The following PLPPR5 variants were observed in gnomAD, a reference collection of about 807,000 sequenced individuals.
The protein encoded by PLPPR5 is phospholipid phosphatase related 5.
In PLPPR5, 16 loss-of-function variants were observed where a neutral mutation model predicts 33.9. That is an observed-to-expected ratio of 0.47 (90% CI 0.32 to 0.72). The LOEUF (loss-of-function observed/expected upper bound fraction) is 0.72. PLPPR5 is among the 30% of genes least tolerant of loss of function. The pLI, the probability that PLPPR5 is intolerant of heterozygous loss-of-function variation, is 0.03. For missense variants in PLPPR5, 301 were observed against 406.7 expected (o/e 0.74, Z 2.23); for synonymous variants, 163 against 150.3 (o/e 1.08, Z -0.62).
At chr1:98,952,385 G>A (rs1263150426) in intron 3 of PLPPR5, among the ~76,000 whole-genome samples, 1 of 152,138 alleles carries the variant, frequency 6.6e-6, no homozygotes, top group South Asian at 2.1e-4. Context: ...GGGAGAGGCT[G>A]ATGGTACCAT....
In PLPPR5 at chr1:98,921,963, G is replaced by T; in HGVS notation, c.717C>A (p.Leu239=). 1 of 1,613,948 alleles carries T rather than the reference G, an allele frequency of 6.2e-7. No homozygotes were observed. Among genetic ancestry groups the T allele is most frequent in the Admixed American group, 1.7e-5 (1 of 59,990 alleles). Residue 239 remains leucine, a synonymous_variant, in exon 4 of 6, where the codon CTC becomes CTA. Coordinates refer to ENST00000263177, the MANE Select transcript of PLPPR5 (RefSeq NM_001037317.2). The part of the protein sequence containing the change: ...GLMCLAFLTG[L]NRVAEYRNHW... ...GATTTCGATATTCTGCTACTCTGTT[G>T]AGTCCAGTAAGAAATGCCAAACACA... is the stretch of plus-strand genomic sequence containing the variant.
intron 1 of PLPPR5, among the ~76,000 whole-genome samples, chr1:98,958,002 G>A (rs1465827788): frequency 2.0e-5 from 3 of 152,164 alleles, no homozygotes; most frequent in Non-Finnish European, 4.4e-5. Context: ...GGAGATTTAG[G>A]GAAGTTAAAT....
intron 4 of PLPPR5, 68 bp downstream of exon 4, chr1:98,921,814 G>A: frequency 7.8e-7 from 1 of 1,290,254 alleles, no homozygotes; most frequent in African/African-American, 1.5e-5. Flanking sequence ...ATTCACACTT[G>A]TATTTTCTCA....
At chr1:98,923,012 C>A (rs570146858) in intron 3 of PLPPR5, among the ~76,000 whole-genome samples, 10 of 142,560 alleles carry the variant, frequency 7.0e-5, no homozygotes, top group African/African-American at 1.3e-4. Context: ...CAAAAAAAAA[C>A]CATAAGTACG....
intron 1 of PLPPR5, among the ~76,000 whole-genome samples, chr1:98,967,748 A>G (rs569348704): frequency 6.6e-6 from 1 of 152,266 alleles, no homozygotes; most frequent in South Asian, 2.1e-4. Flanking sequence ...TATTGTTATA[A>G]CATTCATAGT....
intron 1 of PLPPR5, among the ~76,000 whole-genome samples, chr1:98,997,971 G>T (rs1022925963): frequency 6.6e-6 from 1 of 152,170 alleles, no homozygotes; most frequent in African/African-American, 2.4e-5. Flanking sequence ...AGGAAAGAGA[G>T]AGAAGGGTGG....
chr1:98,996,617 G>C (rs540573916), intron 1 of PLPPR5, among the ~76,000 whole-genome samples: 1 of 152,082 alleles, frequency 6.6e-6, no homozygotes, highest in East Asian at 1.9e-4. Flanking sequence ...CTGTTATAAG[G>C]GTGCTGCTAA....
At chr1:98,950,279 TA>T (rs1428464062) in intron 3 of PLPPR5, among the ~76,000 whole-genome samples, 1 of 150,116 alleles carries the variant, frequency 6.7e-6, no homozygotes, top group East Asian at 1.9e-4. Context: ...AATTATTAAA[TA>T]AATAATAATG....
chr1:98,930,128 AT>A (rs1649911033), intron 3 of PLPPR5, among the ~76,000 whole-genome samples: 2 of 152,212 alleles, frequency 1.3e-5, no homozygotes, highest in Non-Finnish European at 2.9e-5. Flanking sequence ...TGCACAAGAC[AT>A]TTGGGTGAAT....
intron 1 of PLPPR5, among the ~76,000 whole-genome samples, chr1:98,962,618 T>C (rs1035477930): frequency 3.3e-5 from 5 of 152,186 alleles, no homozygotes; most frequent in South Asian, 2.1e-4. Flanking sequence ...GATTGGTTTA[T>C]TGAAAGCAAA....
At chr1:98,911,454 T>A (rs1004579039) in intron 5 of PLPPR5, among the ~76,000 whole-genome samples, 2 of 152,190 alleles carry the variant, frequency 1.3e-5, no homozygotes, top group Non-Finnish European at 2.9e-5. Flanking sequence ...ATGAATAGAA[T>A]TTTTTTGCTT....
At chr1:98,898,899 AGC>A (rs971828110) in intron 5 of PLPPR5, among the ~76,000 whole-genome samples, 1 of 152,158 alleles carries the variant, frequency 6.6e-6, no homozygotes, top group Non-Finnish European at 1.5e-5. Flanking sequence ...ATCTCTAGGC[AGC>A]TTTCTCTGAT....
chr1:98,902,902 C>A (rs564348634), intron 5 of PLPPR5, among the ~76,000 whole-genome samples: 1 of 152,128 alleles, frequency 6.6e-6, no homozygotes, highest in African/African-American at 2.4e-5. Context: ...ATGAAAGATG[C>A]TTTTATAAAA....
chr1:98,943,566 G>T (rs935156044), intron 3 of PLPPR5, among the ~76,000 whole-genome samples: 4 of 152,184 alleles, frequency 2.6e-5, no homozygotes, highest in Non-Finnish European at 5.9e-5. Context: ...ATATGCAGGG[G>T]TCATTTCCTC....
At chr1:99,004,941 C>A (rs188388544), upstream of PLPPR5, 989 of 166,992 alleles carry the variant, frequency 5.9e-3, 16 homozygotes, top group African/African-American at 0.023. Flanking sequence ...CCCGCCCCGG[C>A]GCGGGGTCGC....
At chr1:98,935,319 A>G (rs984576564) in intron 3 of PLPPR5, among the ~76,000 whole-genome samples, 1 of 152,200 alleles carries the variant, frequency 6.6e-6, no homozygotes, top group Non-Finnish European at 1.5e-5. Context: ...TCAACCAGCA[A>G]GAGTAGGGGC....
chr1:98,940,921 A>C (rs887442209), intron 3 of PLPPR5, among the ~76,000 whole-genome samples: 1 of 151,872 alleles, frequency 6.6e-6, no homozygotes, highest in African/African-American at 2.4e-5. Context: ...ATCAGAAGAC[A>C]CAAAAGCAGG....
intron 1 of PLPPR5, among the ~76,000 whole-genome samples, chr1:98,989,074 G>T (rs1157916107): frequency 6.6e-6 from 1 of 152,030 alleles, no homozygotes; most frequent in Non-Finnish European, 1.5e-5. Flanking sequence ...CCTACTAACT[G>T]AACAGGGAGG....
chr1:99,000,578 G>A (rs552617731), intron 1 of PLPPR5, among the ~76,000 whole-genome samples: 28 of 152,234 alleles, frequency 1.8e-4, no homozygotes, highest in African/African-American at 5.3e-4. Context: ...GGTTGTTCAC[G>A]GAGTGATGTC....
Sources: allele counts gnomAD v4.1 joint callset (sites outside exome capture counted in the v4.1 genomes callset), GRCh38; gene constraint gnomAD v4.1.1; transcripts MANE v1.5; gene names NCBI Gene and HGNC (gene_info 2026-07-23, HGNC 2026-07-21).